GALNT13: variants seen among roughly 807,000 people sequenced by gnomAD.
The protein encoded by GALNT13 is UDP-GalNAc:polypeptide N-acetylgalactosaminyltransferase 13.
A neutral mutation model predicts 64.2 loss-of-function variants in GALNT13; 28 were observed. The observed-to-expected ratio is 0.44, with a 90% confidence interval of 0.32 to 0.60. The LOEUF is 0.60. GALNT13 is among the 20% of genes least tolerant of loss of function. The pLI, the probability that GALNT13 is intolerant of heterozygous loss-of-function variation, is 0.05. For synonymous variants in GALNT13, 214 were observed against 224.6 expected (o/e 0.95, Z 0.42); for missense variants, 577 against 669.8 (o/e 0.86, Z 1.53).
At chr2:154,228,634 A>C (rs1236015666) in intron 4 of GALNT13, among the ~76,000 whole-genome samples, 1 of 152,176 alleles carries the variant, frequency 6.6e-6, no homozygotes, top group African/African-American at 2.4e-5. Flanking sequence ...GTTGCCACCA[A>C]GGAGCTCAGT....
At chr2:154,201,749 T>C (rs554373870) in intron 4 of GALNT13, among the ~76,000 whole-genome samples, 1 of 152,248 alleles carries the variant, frequency 6.6e-6, no homozygotes, top group African/African-American at 2.4e-5. Context: ...CATAAGCATG[T>C]GTGTTTGGGA....
At chr2:153,699,266 A>C in the GALNT13 span, among the ~76,000 whole-genome samples, 1 of 152,226 alleles carries the variant, frequency 6.6e-6, no homozygotes, top group Non-Finnish European at 1.5e-5. Flanking sequence ...ATTAAGGCAG[A>C]AATCAAGAAG....
At chr2:153,343,818 A>G in the GALNT13 span, among the ~76,000 whole-genome samples, 1 of 152,100 alleles carries the variant, frequency 6.6e-6, no homozygotes, top group Non-Finnish European at 1.5e-5. Context: ...TCTAAGTGAA[A>G]TCTAAGAAAT....
chr2:153,095,362 T>C, the GALNT13 span, among the ~76,000 whole-genome samples: 1 of 152,178 alleles, frequency 6.6e-6, no homozygotes, highest in African/African-American at 2.4e-5. Context: ...CCAGTTAGAA[T>C]GGCGATCATT....
chr2:153,574,098 A>G, the GALNT13 span, among the ~76,000 whole-genome samples: 3 of 149,300 alleles, frequency 2.0e-5, no homozygotes, highest in Admixed American at 6.7e-5. Context: ...TGTGAAGGAT[A>G]TCTTTGCTAG....
intron 12 of GALNT13, among the ~76,000 whole-genome samples, chr2:154,445,463 T>C (rs865934480): frequency 3.2e-4 from 49 of 150,958 alleles, no homozygotes; most frequent in East Asian, 1.8e-3. Context: ...TCACTGAGAG[T>C]AGAGGATGAT....
the GALNT13 span, among the ~76,000 whole-genome samples, chr2:153,295,089 G>A: frequency 6.6e-6 from 1 of 152,080 alleles, no homozygotes; most frequent in Admixed American, 6.6e-5. Flanking sequence ...GACTCTCCTG[G>A]TGGTGTTCCA....
At chr2:153,644,921 A>C in the GALNT13 span, among the ~76,000 whole-genome samples, 3 of 152,244 alleles carry the variant, frequency 2.0e-5, no homozygotes, top group East Asian at 5.8e-4. Flanking sequence ...AAAATCTGTC[A>C]GTATGATATC....
At chr2:153,093,363 C>T in the GALNT13 span, among the ~76,000 whole-genome samples, 14 of 151,556 alleles carry the variant, frequency 9.2e-5, no homozygotes, top group East Asian at 7.8e-4. Context: ...CTCAGCCTCT[C>T]GAGTAGCTGG....
chr2:154,275,208 C>T (rs1691576806), intron 8 of GALNT13, among the ~76,000 whole-genome samples: 1 of 152,090 alleles, frequency 6.6e-6, no homozygotes, highest in African/African-American at 2.4e-5. Context: ...AAATTCAAGC[C>T]TGTTGCAGAA....
the GALNT13 span, among the ~76,000 whole-genome samples, chr2:153,509,540 G>A: frequency 6.6e-6 from 1 of 152,350 alleles, no homozygotes; most frequent in Non-Finnish European, 1.5e-5. Flanking sequence ...TAGATGAAAT[G>A]TTTAAAGAAA....
At chr2:154,067,614 C>T (rs1460978938) in intron 3 of GALNT13, among the ~76,000 whole-genome samples, 1 of 152,014 alleles carries the variant, frequency 6.6e-6, no homozygotes, top group Non-Finnish European at 1.5e-5. Context: ...ATGCAACCAA[C>T]ACTGGCACAG....
chr2:154,254,193 A>G (rs1690243244), intron 7 of GALNT13, among the ~76,000 whole-genome samples: 1 of 152,244 alleles, frequency 6.6e-6, no homozygotes, highest in Non-Finnish European at 1.5e-5. Flanking sequence ...ACCAAGGCAC[A>G]AAAATGTAAA....
chr2:153,501,795 A>T, the GALNT13 span, among the ~76,000 whole-genome samples: 3 of 152,234 alleles, frequency 2.0e-5, no homozygotes, highest in South Asian at 2.1e-4. Flanking sequence ...GAGAAAAGAC[A>T]TAAAGGCTTT....
chr2:153,319,479 A>G, the GALNT13 span, among the ~76,000 whole-genome samples: 1 of 152,050 alleles, frequency 6.6e-6, no homozygotes, highest in African/African-American at 2.4e-5. Context: ...AGGTCTTGCC[A>G]CTTTCCCCAG....
intron 11 of GALNT13, chr2:154,437,786 C>T (rs1461139713): frequency 4.9e-5 from 17 of 349,194 alleles, no homozygotes; most frequent in Non-Finnish European, 7.9e-5. Context: ...ATCCGGGAGG[C>T]GGAGGTTGCA....
the GALNT13 span, among the ~76,000 whole-genome samples, chr2:153,586,124 C>G: frequency 2.0e-5 from 3 of 151,904 alleles, no homozygotes; most frequent in African/African-American, 7.3e-5. Context: ...ACCACAAAGA[C>G]AGAGAAAAAG....
intron 9 of GALNT13, among the ~76,000 whole-genome samples, chr2:154,372,371 G>A (rs1190980739): frequency 1.3e-5 from 2 of 152,036 alleles, no homozygotes; most frequent in Non-Finnish European, 2.9e-5. Context: ...GATTTGTGCG[G>A]CTGCAAATTT....
the GALNT13 span, among the ~76,000 whole-genome samples, chr2:153,397,553 T>A: frequency 1.3e-5 from 2 of 152,016 alleles, no homozygotes; most frequent in East Asian, 3.9e-4. Flanking sequence ...CTCCAATATT[T>A]TAACTAGATG....
Sources: allele counts gnomAD v4.1 joint callset (sites outside exome capture counted in the v4.1 genomes callset), GRCh38; gene constraint gnomAD v4.1.1; transcripts MANE v1.5; gene names NCBI Gene and HGNC (gene_info 2026-07-23, HGNC 2026-07-21).